Variants in SPTLC3 observed in about 807,000 individuals in gnomAD.
SPTLC3 encodes serine palmitoyltransferase 3.
In SPTLC3, 36 loss-of-function variants were observed where a neutral mutation model predicts 59.3. That is an observed-to-expected ratio of 0.61 (90% CI 0.47 to 0.80). The LOEUF (loss-of-function observed/expected upper bound fraction) is 0.80. Ranked by LOEUF, SPTLC3 falls within the 30% of genes least tolerant of loss-of-function variation. SPTLC3 has a pLI of 0.00. For synonymous variants in SPTLC3, 257 were observed against 240.8 expected (o/e 1.07, Z -0.62); for missense variants, 625 against 685.1 (o/e 0.91, Z 0.98).
chr20:13,040,046 CGTGTGTGT>C (rs3038800), intron 1 of SPTLC3, among the ~76,000 whole-genome samples: 29,670 of 147,932 alleles, frequency 0.2, 3,424 homozygotes, highest in South Asian at 0.4. Flanking sequence ...TATGCATGTA[CGTGTGTGT>C]GTGTGTGTGT....
intron 2 of SPTLC3, among the ~76,000 whole-genome samples, chr20:13,052,226 G>C (rs961023482): frequency 1.3e-5 from 2 of 152,164 alleles, no homozygotes; most frequent in South Asian, 2.1e-4. Context: ...CAGAGGGCAA[G>C]CCGAAGCAGG....
chr20:13,115,627 G>A (rs144225454), intron 7 of SPTLC3, among the ~76,000 whole-genome samples: 197 of 152,236 alleles, frequency 1.3e-3, no homozygotes, highest in African/African-American at 4.4e-3. Flanking sequence ...TATTATGTAT[G>A]ACATCCAGCA....
Position 13,160,104 on chromosome 20 carries a change from C to T in SPTLC3, c.1517C>T (p.Ala506Val), listed in dbSNP as rs767706834. 9 of 1,613,630 alleles carry T rather than the reference C, an allele frequency of 5.6e-6. No homozygotes were observed. The highest frequency in any genetic ancestry group is 1.6e-4 in the Middle Eastern group (1 of 6,080). The change falls in exon 11 of 12, where the codon GCG becomes GTG. Residue 506 changes from alanine (A) to valine (V), a missense_variant. Ala to Val is a moderately conservative substitution (Grantham distance 64, BLOSUM62 0). Coordinates refer to ENST00000399002, the MANE Select transcript of SPTLC3 (RefSeq NM_018327.4). ...AEARARFCVS[A>V]AHTREMLDTV... ...GCTCGGGCTCGGTTTTGTGTTTCAG[C>T]GGCACATACCCGGGAGATGTTAGAC...
chr20:13,024,544 C>T (rs1986055589), intron 1 of SPTLC3, among the ~76,000 whole-genome samples: 1 of 152,110 alleles, frequency 6.6e-6, no homozygotes, highest in South Asian at 2.1e-4. Flanking sequence ...GTAAAATTTA[C>T]ATACAATGGA....
At chr20:13,021,263 T>C (rs1386329544) in intron 1 of SPTLC3, among the ~76,000 whole-genome samples, 1 of 152,206 alleles carries the variant, frequency 6.6e-6, no homozygotes, top group East Asian at 1.9e-4. Flanking sequence ...AACAATGGAA[T>C]GACCCAAGGC....
chr20:13,149,736 T>G (rs2038600536), intron 9 of SPTLC3, among the ~76,000 whole-genome samples: 2 of 152,184 alleles, frequency 1.3e-5, no homozygotes, highest in Non-Finnish European at 2.9e-5. Context: ...TTTGGTCAAG[T>G]CTCTGAAGGA....
intron 8 of SPTLC3, 138 bp downstream of exon 8, chr20:13,117,863 G>T (rs1990653159): frequency 1.3e-6 from 1 of 746,482 alleles, no homozygotes; most frequent in Non-Finnish European, 2.1e-6. Flanking sequence ...GCTACAGTGG[G>T]TTCACAGCCA....
intron 9 of SPTLC3, among the ~76,000 whole-genome samples, 197 bp downstream of exon 9, chr20:13,126,914 T>C (rs2122797017): frequency 6.6e-6 from 1 of 152,388 alleles, no homozygotes; most frequent in East Asian, 1.9e-4. Context: ...CTTTCTAATT[T>C]ACCTCATTGT....
intron 2 of SPTLC3, among the ~76,000 whole-genome samples, chr20:13,064,456 C>T (rs773515829): frequency 2.6e-5 from 4 of 152,164 alleles, no homozygotes; most frequent in East Asian, 1.9e-4. Context: ...CCACCGCGCC[C>T]GGCTAATTTT....
At chr20:13,104,330 G>A (rs1989749660) in intron 6 of SPTLC3, among the ~76,000 whole-genome samples, 1 of 152,108 alleles carries the variant, frequency 6.6e-6, no homozygotes, top group Non-Finnish European at 1.5e-5. Context: ...TTGAATTATG[G>A]GGGCGGTTCC....
At chr20:13,013,392 C>G (rs6078879) in intron 1 of SPTLC3, among the ~76,000 whole-genome samples, 54,883 of 151,978 alleles carry the variant, frequency 0.36, 10,990 homozygotes, top group Middle Eastern at 0.49. Context: ...TGGGGCTCAC[C>G]TAGGCTACCC....
intron 4 of SPTLC3, among the ~76,000 whole-genome samples, chr20:13,079,520 T>C (rs937253178): frequency 6.6e-6 from 1 of 152,050 alleles, no homozygotes; most frequent in Non-Finnish European, 1.5e-5. Context: ...ACTTTCAAAA[T>C]AAATGAGTGA....
chr20:13,075,611 G>T (rs1988617777), intron 4 of SPTLC3, among the ~76,000 whole-genome samples: 1 of 152,156 alleles, frequency 6.6e-6, no homozygotes, highest in South Asian at 2.1e-4. Context: ...AAGGGCTGGA[G>T]ATGTTAACAG....
At chr20:13,158,367 C>T (rs12480403) in intron 10 of SPTLC3, among the ~76,000 whole-genome samples, 35,636 of 152,014 alleles carry the variant, frequency 0.23, 4,499 homozygotes, top group South Asian at 0.44. Context: ...TCCAGGGAGA[C>T]GCCAGGTTAG....
At chr20:13,027,962 G>C (rs1431319506) in intron 1 of SPTLC3, among the ~76,000 whole-genome samples, 1 of 152,122 alleles carries the variant, frequency 6.6e-6, no homozygotes, top group South Asian at 2.1e-4. Flanking sequence ...TCTTTGACCA[G>C]CCTCAGCTCT....
At position 13,117,504 on chromosome 20, in the gene SPTLC3, A is replaced by G; in HGVS notation, c.933-2A>G. On this transcript the variant is annotated splice_acceptor_variant, in intron 7 of 11. Coordinates refer to ENST00000399002, the MANE Select transcript of SPTLC3 (RefSeq NM_018327.4). LOFTEE classifies it high-confidence loss of function. Reference sequence around the variant, plus strand: ...TTATGAGCATTTCTCCTTCTGCCCTAGCATGGAAGGTTCCATCGTGCATCT... The same window carrying G: ...TTATGAGCATTTCTCCTTCTGCCCTGGCATGGAAGGTTCCATCGTGCATCT... 1.9e-6 allele frequency: 3 copies of G among 1,581,574 alleles called. No homozygotes were observed. The highest frequency in any genetic ancestry group is 2.6e-6 in the Non-Finnish European group (3 of 1,164,974).
At chr20:13,038,540 A>C (rs1228452513) in intron 1 of SPTLC3, among the ~76,000 whole-genome samples, 1 of 152,002 alleles carries the variant, frequency 6.6e-6, no homozygotes, top group Non-Finnish European at 1.5e-5. Flanking sequence ...CTCTTTCTTG[A>C]TTTTAGTAAT....
chr20:13,065,062 T>C (rs1460693426), intron 2 of SPTLC3, among the ~76,000 whole-genome samples: 1 of 152,074 alleles, frequency 6.6e-6, no homozygotes. Flanking sequence ...TCCTTCACAG[T>C]GTCTCAGATA....
chr20:13,150,654 T>C (rs2038621160), intron 9 of SPTLC3, among the ~76,000 whole-genome samples: 1 of 152,222 alleles, frequency 6.6e-6, no homozygotes, highest in South Asian at 2.1e-4. Context: ...CTCCTACTCC[T>C]TCCAATCATT....
Sources: allele counts gnomAD v4.1 joint callset (sites outside exome capture counted in the v4.1 genomes callset), GRCh38; gene constraint gnomAD v4.1.1; transcripts MANE v1.5; gene names NCBI Gene and HGNC (gene_info 2026-07-23, HGNC 2026-07-21).